Variants in KCNG3 observed in about 807,000 individuals in gnomAD.
KCNG3 encodes potassium voltage-gated channel modifier subfamily G member 3.
In KCNG3, 15 loss-of-function variants were observed where a neutral mutation model predicts 29.0. The observed-to-expected ratio is 0.52, with a 90% confidence interval of 0.35 to 0.80. The LOEUF (loss-of-function observed/expected upper bound fraction) is 0.80. KCNG3 is among the 30% of genes least tolerant of loss of function. The pLI is 0.01. For synonymous variants in KCNG3, 322 were observed against 248.9 expected, an observed-to-expected ratio of 1.29 and a Z score of -2.76; for missense variants, 512 against 605.7, an observed-to-expected ratio of 0.85 and a Z score of 1.62.
chr2:42,389,853 T>G, the KCNG3 span, among the ~76,000 whole-genome samples: 22 of 152,256 alleles, frequency 1.4e-4, no homozygotes, highest in Non-Finnish European at 2.9e-5. Context: ...TGTTATCAAC[T>G]GCAAGAAAGT....
the KCNG3 span, among the ~76,000 whole-genome samples, chr2:42,432,941 A>C: frequency 7.4e-4 from 109 of 147,918 alleles, no homozygotes; most frequent in South Asian, 5.6e-3. Context: ...TGATAAAAAA[A>C]AAAAAAACAA....
intron 1 of KCNG3, chr2:42,464,060 C>CG: frequency 4.6e-6 from 1 of 216,622 alleles, no homozygotes; most frequent in African/African-American, 2.4e-5. Context: ...GTGGCTGCAG[C>CG]GGGGGCTGCC....
chr2:42,484,397 G>A (rs911241424), intron 1 of KCNG3, among the ~76,000 whole-genome samples: 2 of 152,224 alleles, frequency 1.3e-5, no homozygotes, highest in African/African-American at 4.8e-5. Flanking sequence ...GGGAGGCGGA[G>A]ATTGCAGTGA....
chr2:42,451,320 G>T (rs920486116), intron 1 of KCNG3, among the ~76,000 whole-genome samples: 1 of 151,224 alleles, frequency 6.6e-6, no homozygotes, highest in Non-Finnish European at 1.5e-5. Context: ...ACACACACCT[G>T]TAATCTCAGC....
In KCNG3 at chr2:42,473,678, G is replaced by A. The variant is rs181260221; in HGVS notation, c.665+19159C>T. Among the ~76,000 whole-genome samples, 3 of 152,036 alleles carry A rather than the reference G, an allele frequency of 2.0e-5. No homozygotes were observed. In the South Asian group the frequency reaches 6.2e-4, roughly 31 times the overall value. On this transcript the variant is annotated intron_variant, in intron 1 of 1. Transcript: ENST00000306078. ...AAGCATGTGTTTCTTTTATTTCACA[G>A]ATTGATTTGTTCTGCTTCTTAGGTT...
chr2:42,416,913 C>G, the KCNG3 span, among the ~76,000 whole-genome samples: 1 of 151,776 alleles, frequency 6.6e-6, no homozygotes, highest in African/African-American at 2.4e-5. Context: ...ATACATGAAT[C>G]AAAACATCAT....
chr2:42,471,752 C>T (rs1437978067), intron 1 of KCNG3, among the ~76,000 whole-genome samples: 2 of 151,788 alleles, frequency 1.3e-5, no homozygotes, highest in Admixed American at 1.3e-4. Flanking sequence ...GGTACAGTGG[C>T]TCATGCCTGT....
the KCNG3 span, among the ~76,000 whole-genome samples, chr2:42,404,126 G>A: frequency 2.6e-5 from 4 of 152,174 alleles, no homozygotes; most frequent in Non-Finnish European, 4.4e-5. Context: ...CATTTGGGAG[G>A]CAGTTTTGAA....
chr2:42,492,602 G>A (rs927555787), intron 1 of KCNG3, among the ~76,000 whole-genome samples: 15 of 152,222 alleles, frequency 9.9e-5, no homozygotes, highest in African/African-American at 2.7e-4. Flanking sequence ...CATGCCTGAG[G>A]ATTTCGCCCT....
chr2:42,493,678 T>C lies in KCNG3; in HGVS notation c.-177A>G. ...CCGGGGGTCCCTGGGCTCGAGTATC[T>C]CCGGCGCTGCTAGTAGCGCGCCCTC... On this transcript the variant is annotated 5_prime_UTR_variant, in exon 1 of 2. Transcript: ENST00000306078. 2.3e-6 allele frequency: 1 copy of C among 435,566 alleles called. No individual in the cohort carries two copies. The highest frequency in any genetic ancestry group is 3.7e-6 in the Non-Finnish European group (1 of 269,852). 27.0% of individuals were successfully genotyped at this position (435,566 alleles called of 1,614,324 possible). A position where few individuals can be genotyped will look rare whatever the true frequency, so the allele number is the denominator to read the frequency against.
At chr2:42,461,015 G>C (rs111687513) in intron 1 of KCNG3, among the ~76,000 whole-genome samples, 1,586 of 151,696 alleles carry the variant, frequency 0.01, 28 homozygotes, top group African/African-American at 0.035. Context: ...CAAAAAATTA[G>C]CCAGGCGTGG....
chr2:42,488,683 G>T (rs2103741347), intron 1 of KCNG3, among the ~76,000 whole-genome samples: 1 of 151,916 alleles, frequency 6.6e-6, no homozygotes, highest in Non-Finnish European at 1.5e-5. Flanking sequence ...CTGAGTAGCT[G>T]GGATTGCAGT....
At chr2:42,430,646 G>A in the KCNG3 span, among the ~76,000 whole-genome samples, 2 of 152,032 alleles carry the variant, frequency 1.3e-5, no homozygotes, top group East Asian at 1.9e-4. Flanking sequence ...AGCTACCTGG[G>A]AAGCTGAGGT....
At chr2:42,465,390 T>A (rs1673118278) in intron 1 of KCNG3, among the ~76,000 whole-genome samples, 1 of 152,018 alleles carries the variant, frequency 6.6e-6, no homozygotes, top group Non-Finnish European at 1.5e-5. Context: ...CTAGTTTTTG[T>A]ATTTTTAGCA....
chr2:42,440,513 C>T (rs957091238), downstream of KCNG3: 8 of 148,428 alleles, frequency 5.4e-5, no homozygotes, highest in Non-Finnish European at 8.9e-5. Context: ...AAATAAACTG[C>T]TATTAGCAAA....
chr2:42,424,334 T>G, the KCNG3 span, among the ~76,000 whole-genome samples: 1 of 151,968 alleles, frequency 6.6e-6, no homozygotes. Context: ...GGGACAGAGA[T>G]GATGGGACTT....
the KCNG3 span, among the ~76,000 whole-genome samples, chr2:42,431,310 C>G: frequency 6.8e-6 from 1 of 147,706 alleles, no homozygotes; most frequent in South Asian, 2.1e-4. Flanking sequence ...TCTTTGAAAG[C>G]TTTTTTTTTT....
the KCNG3 span, among the ~76,000 whole-genome samples, chr2:42,408,988 G>A: frequency 9.2e-5 from 14 of 152,082 alleles, no homozygotes; most frequent in Admixed American, 1.3e-4. Context: ...TACCTGGTCC[G>A]GCCGCAGCCT....
In KCNG3 at chr2:42,443,933, A is replaced by C; in HGVS notation, c.*1T>G. 1 of 1,600,728 alleles carries C rather than the reference A, an allele frequency of 6.2e-7. No individual in the cohort carries two copies. The highest frequency in any genetic ancestry group is 8.5e-7 in the Non-Finnish European group (1 of 1,174,024). On this transcript the variant is annotated 3_prime_UTR_variant, in exon 2 of 2. Coordinates refer to ENST00000306078, the MANE Select transcript of KCNG3 (RefSeq NM_133329.6). ...GTATGCAAGAATTGATTTGCAATGCATTAATTCAGGAATTCAGTGGAGAGG... is the reference window on the plus strand; with the variant it reads ...GTATGCAAGAATTGATTTGCAATGCCTTAATTCAGGAATTCAGTGGAGAGG...
Sources: allele counts gnomAD v4.1 joint callset (sites outside exome capture counted in the v4.1 genomes callset), GRCh38; gene constraint gnomAD v4.1.1; transcripts MANE v1.5; gene names NCBI Gene and HGNC (gene_info 2026-07-23, HGNC 2026-07-21).